ZNF831: variants seen among roughly 807,000 people sequenced by gnomAD.
The protein encoded by ZNF831 is zinc finger protein 831.
Under a neutral mutation model 95.8 loss-of-function variants are expected in ZNF831, and 59 were observed. The ratio of observed to expected loss-of-function variants is 0.62; its 90% CI spans 0.50 to 0.77. ZNF831 has a LOEUF of 0.77. Ranked by LOEUF, ZNF831 falls within the 30% of genes least tolerant of loss-of-function variation. The pLI is 0.00. For missense variants in ZNF831, 2,205 were observed against 2,164.0 expected, an observed-to-expected ratio of 1.02 and a Z score of -0.38; for synonymous variants, 961 against 925.5, an observed-to-expected ratio of 1.04 and a Z score of -0.70.
chr20:59,199,214 A>G (rs1053508669), intron 3 of ZNF831, among the ~76,000 whole-genome samples: 7 of 151,978 alleles, frequency 4.6e-5, no homozygotes, highest in South Asian at 2.1e-4. Flanking sequence ...AGTTGTCTTA[A>G]TGTTCTACAG....
chr20:59,172,492 C>T (rs541881962), intron 1 of ZNF831, among the ~76,000 whole-genome samples: 6 of 152,280 alleles, frequency 3.9e-5, no homozygotes, highest in South Asian at 4.1e-4. Flanking sequence ...CATTTCTCAG[C>T]GCCCTCCTGA....
chr20:59,170,102 C>CTCTTTT (rs1161215355), intron 1 of ZNF831, among the ~76,000 whole-genome samples: 2 of 152,026 alleles, frequency 1.3e-5, no homozygotes, highest in Non-Finnish European at 2.9e-5. Flanking sequence ...GAAACCCTCC[C>CTCTTTT]TCTTTTTCTT....
At chr20:59,137,780 G>A (rs1206066521) in intron 1 of ZNF831, among the ~76,000 whole-genome samples, 1 of 152,166 alleles carries the variant, frequency 6.6e-6, no homozygotes, top group Non-Finnish European at 1.5e-5. Context: ...GTTCCCTGGG[G>A]CACAGCTGTG....
intron 4 of ZNF831, among the ~76,000 whole-genome samples, chr20:59,232,994 GCACA>G (rs59267396): frequency 0.11 from 13,743 of 122,682 alleles, 700 homozygotes; most frequent in Non-Finnish European, 0.13. Context: ...GGACCCTGAG[GCACA>G]CACACACACA....
chr20:59,128,587 G>A (rs2146433924), intron 1 of ZNF831, among the ~76,000 whole-genome samples: 1 of 152,318 alleles, frequency 6.6e-6, no homozygotes, highest in South Asian at 2.1e-4. Flanking sequence ...GGCAGACCAC[G>A]TTGGCCCTTG....
chr20:59,191,839 G>A lies in ZNF831; in HGVS notation c.820G>A (p.Ala274Thr), dbSNP rs1178204510. The A allele has an allele frequency of 1.9e-6, 3 of 1,613,354 alleles. No individual in the cohort carries two copies. The highest frequency in any genetic ancestry group is 2.5e-6 in the Non-Finnish European group (3 of 1,179,986). Reference sequence around the variant, plus strand: ...TGCTCCCTGTCCAGGGTCCGCATTTGCCGACAGAGAGGCTCCTTGGGACTC... The same window carrying A: ...TGCTCCCTGTCCAGGGTCCGCATTTACCGACAGAGAGGCTCCTTGGGACTC... ...EAAPCPGSAF[A>T]DREAPWDSAP... The change falls in exon 2 of 6, where the codon GCC becomes ACC. Residue 274 changes from alanine to threonine, a missense_variant. Transcript: ENST00000371030.
rs2146586451 is a variant in ZNF831 at position 59,193,621 on chromosome 20, G to C, written c.2602G>C (p.Gly868Arg). The change falls in exon 2 of 6, where the codon GGC becomes CGC. Residue 868 changes from glycine (G) to arginine (R), a missense_variant. By Grantham distance (125) the Gly-to-Arg change is moderately radical (BLOSUM62 -2). Coordinates refer to ENST00000371030, the MANE Select transcript of ZNF831 (RefSeq NM_178457.3). ...QDADPGEVPG[G>R]SKESARQVGE... ...TGCCGATCCCGGGGAGGTGCCAGGG[G>C]GCTCAAAGGAGAGTGCCAGGCAGGT... The C allele has an allele frequency of 6.2e-7, 1 of 1,612,562 alleles. No homozygotes were observed. Among genetic ancestry groups the C allele is most frequent in the Non-Finnish European group, 8.5e-7 (1 of 1,179,588 alleles).
At chr20:59,206,880 G>A (rs761728668) in intron 3 of ZNF831, 25 bp from the exon 4 acceptor site, 1 of 1,608,128 alleles carries the variant, frequency 6.2e-7, no homozygotes, top group Non-Finnish European at 8.5e-7. Context: ...GCTGGTTACT[G>A]CAAGCATGCT....
At position 59,169,348 on chromosome 20, in the gene ZNF831, C is replaced by T. The variant is rs1026821568; in HGVS notation, c.-37+5141C>T. 5.9e-5 allele frequency among the ~76,000 whole-genome samples: 9 copies of T among 152,312 alleles called. No individual in the cohort carries two copies. The highest frequency in any genetic ancestry group is 3.4e-3 in the Middle Eastern group (1 of 294). ...AAATTTATGTGAGCTGAGTTATTTA[C>T]GGTATTCCCTTAAGGTCATTTTAAT... On this transcript the variant is annotated intron_variant, in intron 1 of 5. Transcript: ENST00000371030. The surrounding 1 kb of genome is among the most constrained non-coding windows in gnomAD (Gnocchi z 4.1).
intron 1 of ZNF831, among the ~76,000 whole-genome samples, chr20:59,124,368 AC>A (rs2146430259): frequency 6.6e-6 from 1 of 151,810 alleles, no homozygotes; most frequent in African/African-American, 2.4e-5. Context: ...CAAAACTGTC[AC>A]CTCTTTTGTC....
At chr20:59,170,626 G>A (rs926806433) in intron 1 of ZNF831, among the ~76,000 whole-genome samples, 2 of 152,190 alleles carry the variant, frequency 1.3e-5, no homozygotes, top group African/African-American at 4.8e-5. Flanking sequence ...AATGAGAGAA[G>A]CTGATGATAA....
intron 4 of ZNF831, among the ~76,000 whole-genome samples, chr20:59,218,770 G>A (rs1020631656): frequency 6.6e-6 from 1 of 152,014 alleles, no homozygotes; most frequent in Non-Finnish European, 1.5e-5. Flanking sequence ...CAGCCATTAA[G>A]AGGAGGCCAA....
At chr20:59,231,764 G>C (rs1166533493) in intron 4 of ZNF831, among the ~76,000 whole-genome samples, 2 of 152,160 alleles carry the variant, frequency 1.3e-5, no homozygotes, top group Admixed American at 6.5e-5. Context: ...AAGGAGCAAG[G>C]TCTCCCCTTT....
rs953180356 is a variant in ZNF831, at chr20:59,210,890, G to A, written c.4027+3834G>A. Among the ~76,000 whole-genome samples the A allele has an allele frequency of 1.0e-4, 8 of 79,362 alleles. 3 individuals are homozygous for A. The highest frequency in any genetic ancestry group is 7.3e-4 in the South Asian group (2 of 2,748). 52.1% of individuals were successfully genotyped at this position (79,362 alleles called of 152,430 possible). ...CTACTAAAAATACAAAAAATTAGCC[G>A]GGCGCGGTGGCGGGCGCCTGTAGTC... On this transcript the variant is annotated intron_variant, in intron 4 of 5. Transcript: ENST00000371030.
rs1007009080 is a variant in ZNF831, at chr20:59,217,486, G to T, written c.4027+10430G>T. On this transcript the variant is annotated intron_variant, in intron 4 of 5. Coordinates refer to ENST00000371030, the MANE Select transcript of ZNF831 (RefSeq NM_178457.3). The surrounding 1 kb of genome is among the most constrained non-coding windows in gnomAD (Gnocchi z 4.4). ...GAATAACCAAGAAGAGAAATTGCTG[G>T]GTCTTTGAGTGTTGTGTTGCACATT... 6.6e-6 allele frequency among the ~76,000 whole-genome samples: 1 copy of T among 152,182 alleles called. No homozygotes were observed. Among genetic ancestry groups the T allele is most frequent in the African/African-American group, 2.4e-5 (1 of 41,452 alleles).
At chr20:59,223,729 A>G (rs1423560368) in intron 4 of ZNF831, among the ~76,000 whole-genome samples, 2 of 152,256 alleles carry the variant, frequency 1.3e-5, no homozygotes, top group African/African-American at 2.4e-5. Context: ...TGGTGAGGCC[A>G]GCTGGCTGGT....
At chr20:59,237,385 C>T (rs189214927) in intron 4 of ZNF831, among the ~76,000 whole-genome samples, 10 of 152,264 alleles carry the variant, frequency 6.6e-5, no homozygotes, top group African/African-American at 2.2e-4. Context: ...CTCGCTCTGT[C>T]ACCCAGGCTG....
intron 4 of ZNF831, among the ~76,000 whole-genome samples, chr20:59,246,284 C>T (rs1987605549): frequency 6.6e-6 from 1 of 152,144 alleles, no homozygotes; most frequent in South Asian, 2.1e-4. Flanking sequence ...AGAACTATCC[C>T]CAAAGCTATG....
intron 1 of ZNF831, among the ~76,000 whole-genome samples, chr20:59,186,887 G>T (rs1459744949): frequency 6.6e-6 from 1 of 151,790 alleles, no homozygotes; most frequent in African/African-American, 2.4e-5. Context: ...GGTCTTCTGG[G>T]TCCTCCCTTC....
Sources: gnomAD v4.1 joint callset for allele counts (sites outside exome capture counted in the v4.1 genomes callset) on GRCh38, gnomAD v4.1.1 for gene constraint, Gnocchi (gnomAD v3.1) non-coding constraint, MANE v1.5 for transcripts, NCBI Gene and HGNC (gene_info 2026-07-23, HGNC 2026-07-21) for gene names.